GPATCH2: variants seen among roughly 807,000 people sequenced by gnomAD.
GPATCH2 encodes the protein G-patch domain containing 2, also known as G patch domain-containing protein 2.
Under a neutral mutation model 58.0 loss-of-function variants are expected in GPATCH2, and 51 were observed. That is an observed-to-expected ratio of 0.88 (90% CI 0.70 to 1.11). GPATCH2 has a LOEUF of 1.11. Among genes scored for constraint, GPATCH2 ranks in the 50% most tolerant of loss-of-function variants. GPATCH2 has a pLI of 0.00. For synonymous variants in GPATCH2, 222 were observed against 218.5 expected (o/e 1.02, Z -0.14); for missense variants, 625 against 652.2 (o/e 0.96, Z 0.45).
At chr1:217,617,364 G>A (rs1204510756) in intron 2 of GPATCH2, among the ~76,000 whole-genome samples, 2 of 152,126 alleles carry the variant, frequency 1.3e-5, no homozygotes, top group Non-Finnish European at 2.9e-5. Context: ...AGTTCCCTTA[G>A]CAAGTCTTCC....
intron 5 of GPATCH2, among the ~76,000 whole-genome samples, chr1:217,526,585 A>C (rs574293084): frequency 6.6e-6 from 1 of 152,360 alleles, no homozygotes; most frequent in East Asian, 1.9e-4. Context: ...ATGACAACAA[A>C]AATCCCAAAT....
intron 8 of GPATCH2, among the ~76,000 whole-genome samples, chr1:217,480,214 G>C (rs1035994525): frequency 6.6e-6 from 1 of 151,946 alleles, no homozygotes; most frequent in African/African-American, 2.4e-5. Context: ...CTCAGAGAAT[G>C]GGAGAAAATA....
intron 1 of GPATCH2, among the ~76,000 whole-genome samples, chr1:217,622,396 G>A (rs375006181): frequency 2.0e-5 from 3 of 152,162 alleles, no homozygotes; most frequent in African/African-American, 7.2e-5. Flanking sequence ...TTATTTCCAT[G>A]GGCATTCTGA....
chr1:217,566,666 T>C (rs80083368), intron 5 of GPATCH2, among the ~76,000 whole-genome samples: 22,828 of 152,228 alleles, frequency 0.15, 2,186 homozygotes, highest in Non-Finnish European at 0.21. Context: ...ACCAGTTTGA[T>C]CACTTTGGGA....
intron 5 of GPATCH2, among the ~76,000 whole-genome samples, chr1:217,534,656 G>A (rs1163817467): frequency 2.6e-5 from 4 of 151,598 alleles, no homozygotes; most frequent in East Asian, 1.9e-4. Flanking sequence ...ACCACCACCC[G>A]GATTAAGCAA....
intron 8 of GPATCH2, among the ~76,000 whole-genome samples, chr1:217,454,700 C>T (rs1186866712): frequency 6.6e-6 from 1 of 151,270 alleles, no homozygotes; most frequent in Non-Finnish European, 1.5e-5. Flanking sequence ...GTGACTTCTG[C>T]CTCTTGAGTT....
At chr1:217,498,467 A>G (rs965203728) in intron 6 of GPATCH2, 72 bp from the exon 7 acceptor site, 1 of 1,110,986 alleles carries the variant, frequency 9.0e-7, no homozygotes, top group African/African-American at 1.5e-5. Context: ...ATCGAGCCGC[A>G]TGTGCTTTAA....
chr1:217,445,109 C>T (rs1320903589), intron 9 of GPATCH2, among the ~76,000 whole-genome samples: 1 of 152,076 alleles, frequency 6.6e-6, no homozygotes, highest in Non-Finnish European at 1.5e-5. Context: ...ATGAAAAAAA[C>T]TACCCTGGAA....
chr1:217,608,992 T>G (rs745504766), intron 5 of GPATCH2: 58 of 978,618 alleles, frequency 5.9e-5, no homozygotes, highest in Non-Finnish European at 7.0e-5. Flanking sequence ...AATGGCAACT[T>G]GAAGTTTCTT....
At chr1:217,604,286 G>T (rs915271601) in intron 5 of GPATCH2, among the ~76,000 whole-genome samples, 1 of 151,498 alleles carries the variant, frequency 6.6e-6, no homozygotes, top group Non-Finnish European at 1.5e-5. Context: ...GGGAGGCAGA[G>T]GTTGCAGTGA....
chr1:217,509,933 G>A (rs1308203018), intron 6 of GPATCH2, among the ~76,000 whole-genome samples: 1 of 152,098 alleles, frequency 6.6e-6, no homozygotes, highest in Admixed American at 6.6e-5. Context: ...ATGCTGATAC[G>A]AATTTGAGGG....
chr1:217,547,722 C>A (rs1665135953), intron 5 of GPATCH2, among the ~76,000 whole-genome samples: 1 of 152,186 alleles, frequency 6.6e-6, no homozygotes, highest in South Asian at 2.1e-4. Context: ...TTTACAGGGA[C>A]ATTGGTGGAG....
chr1:217,611,115 T>C, intron 3 of GPATCH2, 44 bp from the exon 4 acceptor site: 2 of 1,535,204 alleles, frequency 1.3e-6, no homozygotes, highest in Non-Finnish European at 1.8e-6. Context: ...GACTCAGTTT[T>C]ATCATCCAGT....
chr1:217,465,675 C>T lies in GPATCH2; in HGVS notation c.1278-16338G>A, dbSNP rs956550685. Among the ~76,000 whole-genome samples the T allele has an allele frequency of 4.6e-5, 7 of 152,278 alleles. 1 individual carries two copies. The South Asian group carries it at 8.3e-4, about 18-fold the overall frequency. ...GTAAGAACTGCCTTTCATTCTTCACCGTGATTGTGAGACCTTCCCCAGCCA... is the reference window on the plus strand; with the variant it reads ...GTAAGAACTGCCTTTCATTCTTCACTGTGATTGTGAGACCTTCCCCAGCCA... On this transcript the variant is annotated intron_variant, in intron 8 of 9. Coordinates refer to ENST00000366935, the MANE Select transcript of GPATCH2 (RefSeq NM_018040.5).
chr1:217,495,078 G>A, intron 7 of GPATCH2: 1 of 703,382 alleles, frequency 1.4e-6, no homozygotes, highest in Non-Finnish European at 1.7e-6. Flanking sequence ...TTAGTGACCT[G>A]CAGATGTATA....
rs368134729 is a variant in GPATCH2 at position 217,564,141 on chromosome 1, CAA to C, written c.1098+46178_1098+46179del. ...ACAGAAAGGAATGTTGTGAATTACT[CAA>C]AGAGTTCAAAAAGTTTCTTTAATAT... is the stretch of plus-strand genomic sequence containing the variant. On this transcript the variant is annotated intron_variant, in intron 5 of 9. Coordinates refer to ENST00000366935, the MANE Select transcript of GPATCH2 (RefSeq NM_018040.5). 9.9e-4 allele frequency among the ~76,000 whole-genome samples: 146 copies of C among 147,848 alleles called. 1 individual carries two copies. The South Asian group carries it at 0.014, about 14-fold the overall frequency.
chr1:217,620,157 A>G lies in GPATCH2; in HGVS notation c.399T>C (p.Asn133=). 6.2e-7 allele frequency: 1 copy of G among 1,614,090 alleles called. No individual in the cohort carries two copies. Among genetic ancestry groups the G allele is most frequent in the Non-Finnish European group, 8.5e-7 (1 of 1,179,956 alleles). ...VAKRRPSSNL[N]NNVRGKRPLW... ...GAGGTCTTTTCCCTCGAACATTATT[A>G]TTTAAGTTTGATGACGGCCTGCGCT... Residue 133 remains asparagine (N), a synonymous_variant, in exon 2 of 10, where the codon AAT becomes AAC. Coordinates refer to ENST00000366935, the MANE Select transcript of GPATCH2 (RefSeq NM_018040.5).
chr1:217,556,417 T>C (rs1489002440), intron 5 of GPATCH2, among the ~76,000 whole-genome samples: 1 of 152,230 alleles, frequency 6.6e-6, no homozygotes, highest in South Asian at 2.1e-4. Context: ...CTAAATAACA[T>C]TGTTCCATTT....
intron 9 of GPATCH2, among the ~76,000 whole-genome samples, chr1:217,441,813 A>C (rs1410633232): frequency 2.6e-5 from 4 of 152,202 alleles, no homozygotes; most frequent in Non-Finnish European, 5.9e-5. Flanking sequence ...TGCCGGTTAG[A>C]ATGCTGAGCA....
Sources: allele counts gnomAD v4.1 joint callset (sites outside exome capture counted in the v4.1 genomes callset), GRCh38; gene constraint gnomAD v4.1.1; transcripts MANE v1.5; gene names NCBI Gene and HGNC (gene_info 2026-07-23, HGNC 2026-07-21).